The following WNK1 variants were observed in gnomAD, a reference collection of about 807,000 sequenced individuals.
WNK1 encodes WNK lysine deficient protein kinase 1, also known as serine/threonine-protein kinase WNK1.
A neutral mutation model predicts 222.8 loss-of-function variants in WNK1; 38 were observed. That is an observed-to-expected ratio of 0.17 (90% CI 0.13 to 0.22). WNK1 has a LOEUF of 0.22. Ranked by LOEUF, WNK1 falls within the 10% of genes least tolerant of loss-of-function variation. The probability of loss-of-function intolerance (pLI) is 1.00; values close to 1 mark genes in which losing one functional copy is unlikely to be tolerated. For missense variants in WNK1, 2,348 were observed against 2,918.4 expected (o/e 0.80, Z 4.50); for synonymous variants, 1,090 against 1,092.9 (o/e 1.00, Z 0.05).
At chr12:875,444 G>A (rs906875938) in intron 9 of WNK1, among the ~76,000 whole-genome samples, 16 of 151,598 alleles carry the variant, frequency 1.1e-4, no homozygotes, top group African/African-American at 3.7e-4. Context: ...AGCTCATGTA[G>A]TTAGAAATGT....
intron 9 of WNK1, among the ~76,000 whole-genome samples, chr12:876,292 C>G (rs1054272165): frequency 2.6e-5 from 4 of 152,034 alleles, no homozygotes; most frequent in African/African-American, 9.7e-5. Context: ...GCCTGTAGTC[C>G]CAGCTGCTCA....
rs11322620 is a variant in WNK1, at chr12:808,761, C to CTT, written c.760-4863_760-4862dup. ...TGGCTTGAGAAAACTGTATCTCTCTCTTTTTTTTTTTTTTTTTTTGAGAAG... is the reference window on the plus strand; with the variant it reads ...TGGCTTGAGAAAACTGTATCTCTCTCTTTTTTTTTTTTTTTTTTTTTGAGAAG... On this transcript the variant is annotated intron_variant, in intron 1 of 27. Transcript: ENST00000315939. Among the ~76,000 whole-genome samples, 40 of 119,362 alleles carry CTT rather than the reference C, an allele frequency of 3.4e-4. 2 individuals are homozygous for CTT. The highest frequency in any genetic ancestry group is 4.4e-4 in the Admixed American group (5 of 11,418). The allele number at this position is 119,362 out of a possible 152,430, so 78.3% of individuals were successfully genotyped here.
At position 900,463 on chromosome 12, in the gene WNK1, T is replaced by C; in HGVS notation, c.6449-13T>C. ...CTGGACATGTTTCCTCATGCCACTTTATCTTTTGGCAGGTAACCTGTCTGG... is the reference window on the plus strand; with the variant it reads ...CTGGACATGTTTCCTCATGCCACTTCATCTTTTGGCAGGTAACCTGTCTGG... On this transcript the variant is annotated splice_polypyrimidine_tract_variant and intron_variant, in intron 25 of 27. Coordinates refer to ENST00000315939, the MANE Select transcript of WNK1 (RefSeq NM_018979.4). 1 of 1,614,174 alleles carries C rather than the reference T, an allele frequency of 6.2e-7. No homozygotes were observed. Among genetic ancestry groups the C allele is most frequent in the Non-Finnish European group, 8.5e-7 (1 of 1,179,986 alleles).
chr12:877,753 T>G (rs574426868), intron 9 of WNK1, among the ~76,000 whole-genome samples: 3 of 152,336 alleles, frequency 2.0e-5, no homozygotes, highest in Non-Finnish European at 4.4e-5. Flanking sequence ...AAAGCTATTC[T>G]TCAAGCATAT....
In WNK1 at chr12:897,579, C is replaced by G. The variant is rs1954861228; in HGVS notation, c.6346C>G (p.Pro2116Ala). 9.3e-6 allele frequency: 15 copies of G among 1,614,144 alleles called. No individual in the cohort carries two copies. The East Asian group carries it at 3.3e-4, about 36-fold the overall frequency. Residue 2116 changes from proline to alanine, a missense_variant, in exon 25 of 28, where the codon CCA (proline) becomes GCA (alanine). Around this residue, in one of 13 missense-constraint regions of WNK1, gnomAD observed 1,144 missense variants for 1,273.6 expected, o/e 0.90. Coordinates refer to ENST00000315939, the MANE Select transcript of WNK1 (RefSeq NM_018979.4). ...GKVPPAVIIP[P>A]AAPLSGRRRR... is the part of the protein sequence containing the mutation. ...GGTGCCCCCTGCTGTTATTATTCCC[C>G]CAGCTGCTCCCCTTTCAGGGAGAAG... is the stretch of plus-strand genomic sequence containing the variant.
chr12:791,225 C>CCACACACACACACA (rs141810227), intron 1 of WNK1, among the ~76,000 whole-genome samples: 6 of 145,188 alleles, frequency 4.1e-5, no homozygotes, highest in Admixed American at 6.9e-5. Context: ...ATTTCTCTCA[C>CCACACACACACACA]CACACACACA....
intron 2 of WNK1, among the ~76,000 whole-genome samples, chr12:818,260 T>G (rs1031097396): frequency 1.3e-5 from 2 of 152,170 alleles, no homozygotes; most frequent in African/African-American, 4.8e-5. Context: ...TAAAAAGAAA[T>G]TTTCAGTTTC....
intron 1 of WNK1, among the ~76,000 whole-genome samples, chr12:803,346 A>C (rs1591772759): frequency 6.6e-6 from 1 of 152,252 alleles, no homozygotes; most frequent in East Asian, 1.9e-4. Context: ...AGTGCAAAAC[A>C]GTATAGTATA....
At chr12:888,855 C>T (rs544073391) in intron 20 of WNK1, among the ~76,000 whole-genome samples, 3 of 152,188 alleles carry the variant, frequency 2.0e-5, no homozygotes, top group Non-Finnish European at 4.4e-5. Flanking sequence ...ATAACTCTTT[C>T]TACCGTTTTG....
intron 20 of WNK1, 138 bp downstream of exon 20, chr12:887,442 C>A: frequency 3.7e-6 from 3 of 804,268 alleles, no homozygotes; most frequent in Non-Finnish European, 6.4e-6. Context: ...ATGTTATAAC[C>A]AATGACCCAG....
chr12:833,342 C>G (rs916490659), intron 4 of WNK1, among the ~76,000 whole-genome samples: 10 of 152,190 alleles, frequency 6.6e-5, no homozygotes, highest in African/African-American at 2.2e-4. Flanking sequence ...GTATAAGGAA[C>G]TTAAGATACC....
intron 1 of WNK1, among the ~76,000 whole-genome samples, chr12:791,530 C>T (rs978036619): frequency 3.3e-5 from 5 of 150,428 alleles, no homozygotes; most frequent in Admixed American, 1.3e-4. Flanking sequence ...TTATACTTGA[C>T]GCAAGAGGTT....
chr12:831,443 C>T (rs1948784574), intron 4 of WNK1, among the ~76,000 whole-genome samples: 1 of 151,918 alleles, frequency 6.6e-6, no homozygotes, highest in South Asian at 2.1e-4. Context: ...GAGGCTGAGG[C>T]CCGAGAATCT....
chr12:896,858 C>T, intron 24 of WNK1, 126 bp downstream of exon 24: 2 of 989,038 alleles, frequency 2.0e-6, no homozygotes, highest in Admixed American at 4.6e-5. Flanking sequence ...GAGACAGTGC[C>T]ACAGAAGCCC....
Position 882,048 on chromosome 12 carries a change from C to T in WNK1, c.3347C>T (p.Ser1116Leu), listed in dbSNP as rs751974876. Residue 1116 changes from serine (S) to leucine (L), a missense_variant, in exon 14 of 28, where the codon TCA becomes TTA. Ser to Leu is a moderately radical substitution (Grantham distance 145). This residue lies in a region of WNK1 where 20 missense variants were observed against 65.0 expected (regional missense o/e 0.31). Coordinates refer to ENST00000315939, the MANE Select transcript of WNK1 (RefSeq NM_018979.4). ...AGTCGCTCTCGACATGAAAAAACTT[C>T]ACGCCCAAAATTAAGAATTTTGAAT... Reference protein sequence around the residue: ...VRSRSRHEKTSRPKLRILNVS... With the variant: ...VRSRSRHEKTLRPKLRILNVS... The T allele has an allele frequency of 2.5e-6, 4 of 1,613,562 alleles. No homozygotes were observed. The East Asian group carries it at 6.7e-5, about 27-fold the overall frequency.
chr12:875,862 G>T (rs4980974), intron 9 of WNK1, among the ~76,000 whole-genome samples: 1 of 151,968 alleles, frequency 6.6e-6, no homozygotes, highest in African/African-American at 2.4e-5. Context: ...TCTTATTTAC[G>T]TGTGTAAATT....
intron 1 of WNK1, among the ~76,000 whole-genome samples, chr12:805,278 A>G (rs1021942964): frequency 3.3e-5 from 5 of 152,134 alleles, no homozygotes; most frequent in Non-Finnish European, 5.9e-5. Flanking sequence ...CATCCTTGCC[A>G]ACACTTTTTT....
chr12:858,694 T>C (rs1950969134), intron 5 of WNK1, among the ~76,000 whole-genome samples: 1 of 152,314 alleles, frequency 6.6e-6, no homozygotes, highest in South Asian at 2.1e-4. Context: ...CTAGTTTCTA[T>C]TTCAGCATTT....
intron 8 of WNK1, among the ~76,000 whole-genome samples, chr12:862,716 T>G (rs1354946361): frequency 2.6e-5 from 4 of 152,212 alleles, no homozygotes; most frequent in African/African-American, 2.4e-5. Flanking sequence ...TACTCTAGAT[T>G]GAGGGAATCC....
Sources: allele counts gnomAD v4.1 joint callset (sites outside exome capture counted in the v4.1 genomes callset), GRCh38; gene constraint gnomAD v4.1.1; regional missense constraint gnomAD v4.1.1; transcripts MANE v1.5; gene names NCBI Gene and HGNC (gene_info 2026-07-23, HGNC 2026-07-21).